Variants in CEP112 observed in about 807,000 individuals in gnomAD.
CEP112 encodes centrosomal protein of 112 kDa.
CEP112 carries 127 observed loss-of-function variants against 153.0 expected under a neutral mutation model. The ratio of observed to expected loss-of-function variants is 0.83; its 90% CI spans 0.72 to 0.96. The LOEUF (loss-of-function observed/expected upper bound fraction) is 0.96, where lower values mean the gene tolerates loss of function less well. Among genes scored for constraint, CEP112 ranks in the 40% least tolerant of loss-of-function variants. The pLI, the probability that CEP112 is intolerant of heterozygous loss-of-function variation, is 0.00. For missense variants in CEP112, 1,089 were observed against 1,101.2 expected (o/e 0.99, Z 0.16); for synonymous variants, 358 against 374.4 (o/e 0.96, Z 0.51).
intron 20 of CEP112, among the ~76,000 whole-genome samples, chr17:65,854,325 A>G (rs1490078119): frequency 6.6e-6 from 1 of 152,200 alleles, no homozygotes; most frequent in Non-Finnish European, 1.5e-5. Context: ...TATTCATCCA[A>G]TTTTTAATTT....
At chr17:65,718,400 C>T (rs2049670090) in intron 23 of CEP112, among the ~76,000 whole-genome samples, 1 of 148,806 alleles carries the variant, frequency 6.7e-6, no homozygotes, top group Admixed American at 6.7e-5. Flanking sequence ...AAGAGCGAAA[C>T]TCCATCTCAA....
At chr17:65,979,376 G>T (rs1344821437) in intron 17 of CEP112, among the ~76,000 whole-genome samples, 1 of 151,948 alleles carries the variant, frequency 6.6e-6, no homozygotes, top group Non-Finnish European at 1.5e-5. Context: ...TGGGACTACA[G>T]GTCCACACCT....
At chr17:65,701,415 A>G (rs180735138) in intron 23 of CEP112, among the ~76,000 whole-genome samples, 2 of 152,250 alleles carry the variant, frequency 1.3e-5, no homozygotes, top group Non-Finnish European at 2.9e-5. Flanking sequence ...GATGATGCCA[A>G]TGGCTTGACC....
Position 66,053,742 on chromosome 17 carries a change from CTG to C in CEP112, c.1210_1211del (p.Gln404ValfsTer24). The C allele has an allele frequency of 6.2e-7, 1 of 1,611,060 alleles. No individual in the cohort carries two copies. Among genetic ancestry groups the C allele is most frequent in the Non-Finnish European group, 8.5e-7 (1 of 1,178,550 alleles). On this transcript the variant is annotated frameshift_variant, in exon 12 of 27. Transcript: ENST00000535342. LOFTEE classifies it high-confidence loss of function. ...KMESEYMAQT[Q>X]STNHMIKELE... Reference sequence around the variant, plus strand: ...AACAGGTTTAAAGACTCACTGTGGACTGTGTTTGCGCCATGTATTCACTCTCC... The same window carrying C: ...AACAGGTTTAAAGACTCACTGTGGACTGTTTGCGCCATGTATTCACTCTCC...
chr17:66,107,803 T>C (rs1809117742), intron 6 of CEP112, among the ~76,000 whole-genome samples: 1 of 152,056 alleles, frequency 6.6e-6, no homozygotes, highest in Admixed American at 6.6e-5. Context: ...AATACTAACA[T>C]TTATATGGAA....
chr17:66,101,916 C>T (rs1199494822), intron 6 of CEP112, among the ~76,000 whole-genome samples: 3 of 151,948 alleles, frequency 2.0e-5, no homozygotes, highest in Non-Finnish European at 4.4e-5. Context: ...ATAATACAAG[C>T]TATTAGATAG....
At position 66,176,889 on chromosome 17, in the gene CEP112, C is replaced by G. The variant is rs780634283; in HGVS notation, c.238G>C (p.Glu80Gln). Reference protein sequence around the residue: ...LLHMLKRGALEGPFTHRPEPG... With the variant: ...LLHMLKRGALQGPFTHRPEPG... The stretch of plus-strand genomic sequence containing the variant: ...TCAGGTCGGTGTGTAAAAGGGCCTT[C>G]AAGCGCACCTCGTTTAAGCATATGC... The change falls in exon 3 of 27, where the codon GAA (glutamate) becomes CAA (glutamine). Residue 80 changes from glutamate (E) to glutamine (Q), a missense_variant. Glu to Gln is a conservative substitution (Grantham distance 29, BLOSUM62 2). Coordinates refer to ENST00000535342, the MANE Select transcript of CEP112 (RefSeq NM_001199165.4). The G allele has an allele frequency of 4.3e-6, 7 of 1,613,664 alleles. No homozygotes were observed. Among genetic ancestry groups the G allele is most frequent in the Non-Finnish European group, 5.9e-6 (7 of 1,179,864 alleles).
intron 21 of CEP112, among the ~76,000 whole-genome samples, chr17:65,806,659 G>A (rs1303785039): frequency 1.3e-5 from 2 of 152,154 alleles, no homozygotes; most frequent in African/African-American, 4.8e-5. Flanking sequence ...TTAAAAATGT[G>A]TGGCACTTCC....
intron 6 of CEP112, among the ~76,000 whole-genome samples, chr17:66,122,560 G>T (rs892567421): frequency 1.3e-5 from 2 of 152,094 alleles, no homozygotes; most frequent in African/African-American, 4.8e-5. Context: ...TGCAGCCTTG[G>T]GCATGCATAC....
At chr17:65,990,174 T>C (rs531708528) in intron 17 of CEP112, among the ~76,000 whole-genome samples, 1 of 152,244 alleles carries the variant, frequency 6.6e-6, no homozygotes, top group Non-Finnish European at 1.5e-5. Context: ...TGATCAATAA[T>C]AACATTGAAT....
intron 25 of CEP112, among the ~76,000 whole-genome samples, chr17:65,637,643 C>A (rs1249394813): frequency 1.3e-5 from 2 of 152,220 alleles, no homozygotes. Context: ...TGCCTCCTAG[C>A]CCCAGGCAAA....
chr17:66,018,381 T>C (rs577369880), intron 16 of CEP112, among the ~76,000 whole-genome samples: 1 of 151,954 alleles, frequency 6.6e-6, no homozygotes, highest in African/African-American at 2.4e-5. Flanking sequence ...AAAGAGATTG[T>C]GCTATATATC....
chr17:65,870,014 T>TAAGAAAGAAAGAAAGAAAGA lies in CEP112; in HGVS notation c.2164-18000_2164-17981dup, dbSNP rs754013580. Among the ~76,000 whole-genome samples the TAAGAAAGAAAGAAAGAAAGA allele has an allele frequency of 4.2e-3, 189 of 44,664 alleles. 5 individuals are homozygous for TAAGAAAGAAAGAAAGAAAGA. Among genetic ancestry groups the TAAGAAAGAAAGAAAGAAAGA allele is most frequent in the East Asian group, 6.0e-3 (9 of 1,506 alleles). 29.3% of individuals were successfully genotyped at this position (44,664 alleles called of 152,430 possible). A position where few individuals can be genotyped will look rare whatever the true frequency, so the allele number is the denominator to read the frequency against. ...AGAGGACAGTACTCTAGGTAGAGAA[T>TAAGAAAGAAAGAAAGAAAGA]AAGAAAGAAAGAAAGAAAGAAAGAA... On this transcript the variant is annotated intron_variant, in intron 20 of 26. Coordinates refer to ENST00000535342, the MANE Select transcript of CEP112 (RefSeq NM_001199165.4).
intron 2 of CEP112, among the ~76,000 whole-genome samples, chr17:66,178,532 G>A (rs750636217): frequency 2.0e-5 from 3 of 151,982 alleles, no homozygotes; most frequent in African/African-American, 7.3e-5. Flanking sequence ...TTTGTTGATC[G>A]TTTCCTTTGC....
intron 24 of CEP112, among the ~76,000 whole-genome samples, chr17:65,663,393 T>A (rs1460502634): frequency 1.3e-5 from 2 of 152,204 alleles, no homozygotes; most frequent in Non-Finnish European, 2.9e-5. Flanking sequence ...TTCAGGAGAC[T>A]TGCCTGAGAT....
intron 9 of CEP112, among the ~76,000 whole-genome samples, chr17:66,068,856 T>C (rs2067212670): frequency 6.6e-6 from 1 of 152,108 alleles, no homozygotes; most frequent in Non-Finnish European, 1.5e-5. Context: ...ACATGTTATA[T>C]TGAAATTATA....
At chr17:66,163,330 C>T (rs1282984180) in intron 4 of CEP112, among the ~76,000 whole-genome samples, 1 of 152,054 alleles carries the variant, frequency 6.6e-6, no homozygotes, top group African/African-American at 2.4e-5. Context: ...AAAATGAGAA[C>T]TTCTGATTTT....
At chr17:65,747,763 C>T (rs926747569) in intron 22 of CEP112, among the ~76,000 whole-genome samples, 2 of 152,252 alleles carry the variant, frequency 1.3e-5, no homozygotes, top group East Asian at 1.9e-4. Context: ...CAGAACGGGG[C>T]ACAGGTCTCA....
intron 8 of CEP112, among the ~76,000 whole-genome samples, chr17:66,083,476 A>C (rs1419515665): frequency 6.6e-6 from 1 of 152,232 alleles, no homozygotes; most frequent in African/African-American, 2.4e-5. Flanking sequence ...AATTGGTATC[A>C]ATTAATTATC....
Sources: gnomAD v4.1 joint callset for allele counts (sites outside exome capture counted in the v4.1 genomes callset) on GRCh38, gnomAD v4.1.1 for gene constraint, MANE v1.5 for transcripts, NCBI Gene and HGNC (gene_info 2026-07-23, HGNC 2026-07-21) for gene names.